Variants in SSH2 observed in about 807,000 individuals in gnomAD.
SSH2 encodes slingshot protein phosphatase 2, also known as protein phosphatase Slingshot homolog 2.
A neutral mutation model predicts 135.2 loss-of-function variants in SSH2; 37 were observed. That is an observed-to-expected ratio of 0.27 (90% CI 0.21 to 0.36). The LOEUF (loss-of-function observed/expected upper bound fraction) is 0.36. Among genes scored for constraint, SSH2 ranks in the 10% least tolerant of loss-of-function variants. SSH2 has a pLI of 1.00. For synonymous variants in SSH2, 628 were observed against 646.2 expected, an observed-to-expected ratio of 0.97 and a Z score of 0.43; for missense variants, 1,408 against 1,765.3, an observed-to-expected ratio of 0.80 and a Z score of 3.63.
intron 1 of SSH2, among the ~76,000 whole-genome samples, chr17:29,918,024 T>TA (rs1468236187): frequency 4.6e-5 from 7 of 151,032 alleles, no homozygotes; most frequent in East Asian, 3.9e-4. Context: ...CTACAAAAAA[T>TA]AAAAAAAATT....
chr17:29,741,611 CTTTTTTTTTTTT>C (rs6146027), intron 3 of SSH2, among the ~76,000 whole-genome samples: 8 of 140,744 alleles, frequency 5.7e-5, no homozygotes, highest in East Asian at 4.1e-4. Context: ...AATCCCCCTC[CTTTTTTTTTTTT>C]TTTTTTTTTG....
At chr17:29,771,828 A>C (rs1015421925) in intron 3 of SSH2, among the ~76,000 whole-genome samples, 1 of 152,128 alleles carries the variant, frequency 6.6e-6, no homozygotes, top group South Asian at 2.1e-4. Context: ...TATCTCTCTA[A>C]GCCTTCGTGT....
chr17:29,925,996 C>T (rs2067056639), intron 1 of SSH2, among the ~76,000 whole-genome samples: 1 of 152,092 alleles, frequency 6.6e-6, no homozygotes, highest in South Asian at 2.1e-4. Context: ...CAGGAAACAT[C>T]TATTATCTAG....
chr17:29,890,809 G>A (rs751520847), intron 1 of SSH2, among the ~76,000 whole-genome samples: 79 of 152,088 alleles, frequency 5.2e-4, no homozygotes, highest in Non-Finnish European at 9.1e-4. Flanking sequence ...AGGCTGGAGC[G>A]CTGTGGTGCG....
chr17:29,709,806 G>A (rs1160894398), intron 3 of SSH2, among the ~76,000 whole-genome samples: 1 of 152,160 alleles, frequency 6.6e-6, no homozygotes, highest in Non-Finnish European at 1.5e-5. Context: ...GGGGAATAAA[G>A]AACATGTCTG....
At chr17:29,810,751 T>C (rs532308425) in intron 2 of SSH2, among the ~76,000 whole-genome samples, 1 of 152,344 alleles carries the variant, frequency 6.6e-6, no homozygotes, top group Non-Finnish European at 1.5e-5. Context: ...ACTGTGAGAA[T>C]CTCATCTTTT....
intron 3 of SSH2, among the ~76,000 whole-genome samples, chr17:29,779,902 T>C (rs2041803130): frequency 1.3e-5 from 2 of 148,996 alleles, no homozygotes; most frequent in South Asian, 4.3e-4. Context: ...GCTCTACTTT[T>C]GTTTAAAAAC....
intron 3 of SSH2, chr17:29,761,206 G>A: frequency 7.8e-7 from 1 of 1,289,330 alleles, no homozygotes; most frequent in Non-Finnish European, 1.0e-6. Context: ...AAGGAATCAT[G>A]TCGGGGCCAC....
At chr17:29,857,200 G>A (rs1425713259) in intron 1 of SSH2, among the ~76,000 whole-genome samples, 1 of 152,184 alleles carries the variant, frequency 6.6e-6, no homozygotes, top group African/African-American at 2.4e-5. Flanking sequence ...CATAGAAAGA[G>A]GTTTAATTGG....
In SSH2 at chr17:29,632,803, T is replaced by C. The variant is rs2035743148; in HGVS notation, c.2391A>G (p.Gly797=). 1.2e-6 allele frequency: 2 copies of C among 1,614,218 alleles called. No individual in the cohort carries two copies. The highest frequency in any genetic ancestry group is 1.7e-6 in the Non-Finnish European group (2 of 1,180,052). Reference sequence around the variant, plus strand: ...TATGGCATGGGTTGGGTAAGATGTCTCCTTTCAGTTGAATCTGCCCAACTC... The same window carrying C: ...TATGGCATGGGTTGGGTAAGATGTCCCCTTTCAGTTGAATCTGCCCAACTC... ...SQGVGQIQLK[G]DILPNPCHTP... The change falls in exon 16 of 16, where the codon GGA becomes GGG. Residue 797 remains glycine (G), a synonymous_variant. Transcript: ENST00000540801.
At chr17:29,830,545 C>T (rs1342318686) in intron 2 of SSH2, among the ~76,000 whole-genome samples, 1 of 152,170 alleles carries the variant, frequency 6.6e-6, no homozygotes, top group Non-Finnish European at 1.5e-5. Context: ...TCCCACCTTT[C>T]TCCACTAGAG....
intron 3 of SSH2, among the ~76,000 whole-genome samples, chr17:29,756,879 A>G (rs2041146952): frequency 6.6e-6 from 1 of 151,242 alleles, no homozygotes. Flanking sequence ...CTGGTCTCGA[A>G]CTCCTGACCT....
At chr17:29,699,890 GT>G (rs1438519367) in intron 4 of SSH2, among the ~76,000 whole-genome samples, 1 of 152,206 alleles carries the variant, frequency 6.6e-6, no homozygotes, top group Non-Finnish European at 1.5e-5. Flanking sequence ...GTTTTAGAAA[GT>G]GTAATCCAAG....
At chr17:29,767,397 C>T (rs1245500431) in intron 3 of SSH2, among the ~76,000 whole-genome samples, 1 of 147,336 alleles carries the variant, frequency 6.8e-6, no homozygotes, top group African/African-American at 2.5e-5. Context: ...TTAGACCTCT[C>T]AGGGATGAAA....
At chr17:29,745,109 C>A (rs942193590) in intron 3 of SSH2, among the ~76,000 whole-genome samples, 5 of 151,940 alleles carry the variant, frequency 3.3e-5, no homozygotes, top group Middle Eastern at 3.2e-3. Flanking sequence ...ACTCCGGATG[C>A]TCTGCCCATA....
In SSH2 at chr17:29,716,260, CTTAT is replaced by C. The variant is rs561872137; in HGVS notation, c.189-13202_189-13199del. The C allele has an allele frequency of 3.2e-4, 112 of 350,264 alleles. No homozygotes were observed. In the East Asian group the frequency reaches 3.7e-3, roughly 12 times the overall value. 21.7% of individuals were successfully genotyped at this position (350,264 alleles called of 1,614,324 possible). A position where few individuals can be genotyped will look rare whatever the true frequency, so the allele number is the denominator to read the frequency against. ...TTAACTTGATCCTGTGTTCTAAGTTCTTATTTATTTATTTATTACAGTTGAACCC... is the reference window on the plus strand; with the variant it reads ...TTAACTTGATCCTGTGTTCTAAGTTCTTATTTATTTATTACAGTTGAACCC... On this transcript the variant is annotated intron_variant, in intron 3 of 15. Coordinates refer to ENST00000540801, the MANE Select transcript of SSH2 (RefSeq NM_001282129.2).
At chr17:29,734,360 G>A (rs1684898657) in intron 3 of SSH2, among the ~76,000 whole-genome samples, 1 of 152,198 alleles carries the variant, frequency 6.6e-6, no homozygotes, top group African/African-American at 2.4e-5. Context: ...CACATAAAAT[G>A]TGGTTGCTCA....
chr17:29,741,934 C>CTCTTTT (rs2040570621), intron 3 of SSH2, among the ~76,000 whole-genome samples: 1 of 97,910 alleles, frequency 1.0e-5, no homozygotes, highest in African/African-American at 4.0e-5. Context: ...ATTTTTTTTT[C>CTCTTTT]TTTTTTTTTT....
At chr17:29,797,180 C>G (rs1288042740) in intron 2 of SSH2, among the ~76,000 whole-genome samples, 1 of 151,572 alleles carries the variant, frequency 6.6e-6, no homozygotes, top group Non-Finnish European at 1.5e-5. Context: ...ATCTTAAGTG[C>G]GCCATTTAAT....
Sources: gnomAD v4.1 joint callset for allele counts (sites outside exome capture counted in the v4.1 genomes callset) on GRCh38, gnomAD v4.1.1 for gene constraint, MANE v1.5 for transcripts, NCBI Gene and HGNC (gene_info 2026-07-23, HGNC 2026-07-21) for gene names.